The following RHPN2 variants were observed in gnomAD, a reference collection of about 807,000 sequenced individuals.
The protein encoded by RHPN2 is rhophilin Rho GTPase binding protein 2.
RHPN2 carries 40 observed loss-of-function variants against 79.0 expected under a neutral mutation model. That is an observed-to-expected ratio of 0.51 (90% CI 0.39 to 0.66). The LOEUF is 0.66. Ranked by LOEUF, RHPN2 falls within the 30% of genes least tolerant of loss-of-function variation. RHPN2 has a pLI of 0.00. For synonymous variants in RHPN2, 285 were observed against 363.5 expected, an observed-to-expected ratio of 0.78 and a Z score of 2.46; for missense variants, 686 against 883.5, an observed-to-expected ratio of 0.78 and a Z score of 2.83.
rs1184269613 is a variant in RHPN2 at position 32,980,127 on chromosome 19, C to T, written c.1930G>A (p.Gly644Ser). Residue 644 changes from glycine (G) to serine (S), a missense_variant, in exon 15 of 15, where the codon GGC becomes AGC. Physicochemically the swap from Gly to Ser is moderately conservative, Grantham distance 56. Transcript: ENST00000254260. ...GACTTCTGTCTGTTCTTGTTGGTGCCCCAACTCAGGAAGGAAAGCTTCTTG... is the reference window on the plus strand; with the variant it reads ...GACTTCTGTCTGTTCTTGTTGGTGCTCCAACTCAGGAAGGAAAGCTTCTTG... ...ISKKLSFLSW[G>S]TNKNRQKSAS... 1 of 1,613,854 alleles carries T rather than the reference C, an allele frequency of 6.2e-7. No homozygotes were observed. The highest frequency in any genetic ancestry group is 1.7e-5 in the Admixed American group (1 of 59,982).
intron 1 of RHPN2, among the ~76,000 whole-genome samples, chr19:33,062,885 C>T (rs944955435): frequency 6.6e-5 from 10 of 152,114 alleles, no homozygotes; most frequent in Admixed American, 5.9e-4. Context: ...AGCAAGAAGT[C>T]CTCCCCTGGG....
At chr19:33,016,930 T>C (rs1971882698) in intron 4 of RHPN2, among the ~76,000 whole-genome samples, 1 of 152,218 alleles carries the variant, frequency 6.6e-6, no homozygotes, top group African/African-American at 2.4e-5. Flanking sequence ...TAAAATGACA[T>C]GGTTGGAAGC....
chr19:32,995,258 G>A (rs576554724), intron 11 of RHPN2, among the ~76,000 whole-genome samples: 1 of 151,546 alleles, frequency 6.6e-6, no homozygotes, highest in African/African-American at 2.4e-5. Context: ...TTAATTTTTT[G>A]TAGAGATGGG....
intron 14 of RHPN2, among the ~76,000 whole-genome samples, chr19:32,989,822 A>C (rs369646554): frequency 1.3e-5 from 2 of 151,802 alleles, no homozygotes; most frequent in African/African-American, 4.8e-5. Flanking sequence ...AATAAAGAAT[A>C]GGCTGGGCAT....
Position 32,999,536 on chromosome 19 carries a change from C to A in RHPN2, c.1225+50G>T, listed in dbSNP as rs760181696. On this transcript the variant is annotated intron_variant, in intron 10 of 14. Transcript: ENST00000254260. ...TCTCTGTGGCTGGCTGTGAGCAGGA[C>A]CAGCTGGGCACCAAGTGGGGCCCAC... 46 of 1,366,522 alleles carry A rather than the reference C, an allele frequency of 3.4e-5. No homozygotes were observed. The African/African-American group carries it at 5.1e-4, about 15-fold the overall frequency. 84.6% of individuals were successfully genotyped at this position (1,366,522 alleles called of 1,614,324 possible).
chr19:33,025,999 CTGTT>C (rs1971963317), intron 3 of RHPN2, among the ~76,000 whole-genome samples: 1 of 65,656 alleles, frequency 1.5e-5, no homozygotes, highest in Non-Finnish European at 3.0e-5. Flanking sequence ...TTTTTTTTGT[CTGTT>C]TGTTTTGAGA....
chr19:33,010,688 T>C (rs950655620), intron 6 of RHPN2, among the ~76,000 whole-genome samples: 2 of 149,950 alleles, frequency 1.3e-5, no homozygotes, highest in East Asian at 4.0e-4. Flanking sequence ...CAGCCTTTTT[T>C]TTTCTTGTTT....
At chr19:33,049,363 C>T (rs28403377) in intron 1 of RHPN2, among the ~76,000 whole-genome samples, 27,986 of 152,038 alleles carry the variant, frequency 0.18, 3,326 homozygotes, top group South Asian at 0.36. Flanking sequence ...TGTGTAATAA[C>T]GAGACCTTAG....
Position 33,008,197 on chromosome 19 carries a change from C to T in RHPN2, c.594-17G>A, listed in dbSNP as rs537569853. 3.1e-6 allele frequency: 5 copies of T among 1,612,626 alleles called. No homozygotes were observed. Among genetic ancestry groups the T allele is most frequent in the Non-Finnish European group, 4.2e-6 (5 of 1,179,166 alleles). ...GAGTCATACCTATGTGAAAGAAATG[C>T]ATTCCGAGAATACAGATTACTTGGC... On this transcript the variant is annotated splice_polypyrimidine_tract_variant and intron_variant, in intron 6 of 14. Coordinates refer to ENST00000254260, the MANE Select transcript of RHPN2 (RefSeq NM_033103.5).
chr19:33,042,638 A>C (rs1972109448), intron 2 of RHPN2, among the ~76,000 whole-genome samples: 1 of 152,150 alleles, frequency 6.6e-6, no homozygotes, highest in African/African-American at 2.4e-5. Flanking sequence ...CGTGAGTAAC[A>C]AAAGCAACAC....
intron 2 of RHPN2, among the ~76,000 whole-genome samples, chr19:33,041,309 T>C (rs1717565951): frequency 6.6e-6 from 1 of 152,118 alleles, no homozygotes; most frequent in African/African-American, 2.4e-5. Context: ...AAACCACCCA[T>C]GGCCTGCAGA....
chr19:33,008,773 T>G (rs573502158), intron 6 of RHPN2, among the ~76,000 whole-genome samples: 1 of 152,206 alleles, frequency 6.6e-6, no homozygotes, highest in African/African-American at 2.4e-5. Flanking sequence ...CAAACTCATT[T>G]CTTCAGTAAA....
chr19:32,987,776 G>T (rs146627674), intron 14 of RHPN2, among the ~76,000 whole-genome samples: 3 of 152,016 alleles, frequency 2.0e-5, no homozygotes, highest in Non-Finnish European at 4.4e-5. Context: ...CTTCACATTC[G>T]ATCTCCTCCT....
chr19:33,003,488 C>T (rs1472890628), intron 7 of RHPN2, among the ~76,000 whole-genome samples: 1 of 151,478 alleles, frequency 6.6e-6, no homozygotes, highest in Non-Finnish European at 1.5e-5. Flanking sequence ...TATATATCCC[C>T]AAACAATTGA....
At chr19:33,026,364 C>G (rs111851387) in intron 3 of RHPN2, 140 bp downstream of exon 3, 10 of 1,134,660 alleles carry the variant, frequency 8.8e-6, no homozygotes, top group African/African-American at 3.0e-5. Flanking sequence ...CAACCCCAAA[C>G]CTGATGGTTC....
chr19:33,055,893 C>T lies in RHPN2; in HGVS notation c.69+8891G>A, dbSNP rs539125980. Reference sequence around the variant, plus strand: ...TGTGAACAAGAAACAACTTCTCCTACAGCTCTTGAGTAAAAACAATGGAGC... The same window carrying T: ...TGTGAACAAGAAACAACTTCTCCTATAGCTCTTGAGTAAAAACAATGGAGC... On this transcript the variant is annotated intron_variant, in intron 1 of 14. Transcript: ENST00000254260. Among the ~76,000 whole-genome samples the T allele has an allele frequency of 3.0e-4, 45 of 152,172 alleles. 1 individual carries two copies. In the South Asian group the frequency reaches 8.3e-3, roughly 28 times the overall value.
Position 32,978,992 on chromosome 19 carries a change from AC to A in RHPN2, c.*1003del, listed in dbSNP as rs942900012. The A allele has an allele frequency of 3.3e-5, 5 of 152,138 alleles. No individual in the cohort carries two copies. The highest frequency in any genetic ancestry group is 6.5e-5 in the Admixed American group (1 of 15,274). 9.4% of individuals were successfully genotyped at this position (152,138 alleles called of 1,614,324 possible). On this transcript the variant is annotated 3_prime_UTR_variant, in exon 15 of 15. Coordinates refer to ENST00000254260, the MANE Select transcript of RHPN2 (RefSeq NM_033103.5). ...GTGAAACCTCACCTCAACTAAAAAT[AC>A]AAAAATCAGCCAGGCATGCTGGAGG... is the stretch of plus-strand genomic sequence containing the variant.
At chr19:33,049,299 A>C (rs1439100400) in intron 1 of RHPN2, among the ~76,000 whole-genome samples, 3 of 152,172 alleles carry the variant, frequency 2.0e-5, no homozygotes, top group Non-Finnish European at 4.4e-5. Context: ...TGTAGGGGAC[A>C]AGGTGGCGGG....
At chr19:33,026,710 C>T in intron 2 of RHPN2, 78 bp from the exon 3 acceptor site, 1 of 1,530,468 alleles carries the variant, frequency 6.5e-7, no homozygotes, top group Non-Finnish European at 8.9e-7. Flanking sequence ...AATCCCCAGT[C>T]CCTGCAGGGA....
Sources: allele counts gnomAD v4.1 joint callset (sites outside exome capture counted in the v4.1 genomes callset), GRCh38; gene constraint gnomAD v4.1.1; transcripts MANE v1.5; gene names NCBI Gene and HGNC (gene_info 2026-07-23, HGNC 2026-07-21).